PDE4D: variants seen among roughly 807,000 people sequenced by gnomAD.
PDE4D encodes 3',5'-cyclic-AMP phosphodiesterase 4D.
In PDE4D, 24 loss-of-function variants were observed where a neutral mutation model predicts 87.4. The ratio of observed to expected loss-of-function variants is 0.27; its 90% confidence interval spans 0.20 to 0.39. The LOEUF is 0.39. Ranked by LOEUF, PDE4D falls within the 10% of genes least tolerant of loss-of-function variation. PDE4D has a pLI of 1.00. For missense variants in PDE4D, 714 were observed against 1,041.0 expected (o/e 0.69, Z 4.32); for synonymous variants, 384 against 383.2 (o/e 1.00, Z -0.02).
chr5:59,785,795 G>A (rs1765108213), intron 1 of PDE4D, among the ~76,000 whole-genome samples: 1 of 152,160 alleles, frequency 6.6e-6, no homozygotes, highest in Admixed American at 6.5e-5. Flanking sequence ...CCATGTTTTT[G>A]CCGGTGGTAC....
intron 1 of PDE4D, among the ~76,000 whole-genome samples, chr5:60,185,946 A>AT (rs906806236): frequency 1.3e-5 from 2 of 151,898 alleles, no homozygotes; most frequent in Non-Finnish European, 2.9e-5. Context: ...GAAAAAAAAA[A>AT]AAAACAGATA....
chr5:59,927,044 G>A (rs930757989), intron 3 of PDE4D, among the ~76,000 whole-genome samples: 2 of 152,292 alleles, frequency 1.3e-5, no homozygotes, highest in Admixed American at 6.5e-5. Context: ...GGAAAAAGGA[G>A]AGTTTGTCTT....
chr5:59,480,719 A>G (rs1804107994), intron 1 of PDE4D, among the ~76,000 whole-genome samples: 1 of 152,130 alleles, frequency 6.6e-6, no homozygotes, highest in Admixed American at 6.6e-5. Flanking sequence ...GTCTCTTTTT[A>G]CTTGATCCAA....
chr5:60,425,258 G>A (rs978622604), intron 1 of PDE4D, among the ~76,000 whole-genome samples: 2 of 152,210 alleles, frequency 1.3e-5, no homozygotes, highest in Non-Finnish European at 2.9e-5. Flanking sequence ...AAAGCTGGAA[G>A]CATCACGCTA....
chr5:60,298,152 A>AT (rs1753579046), intron 1 of PDE4D, among the ~76,000 whole-genome samples: 1 of 139,082 alleles, frequency 7.2e-6, no homozygotes, highest in Non-Finnish European at 1.5e-5. Context: ...CAGAAAAATA[A>AT]AAAAAAAAAA....
chr5:59,964,975 G>T (rs1759867845), intron 3 of PDE4D, among the ~76,000 whole-genome samples: 1 of 151,852 alleles, frequency 6.6e-6, no homozygotes, highest in Non-Finnish European at 1.5e-5. Context: ...CAAGGCCTTT[G>T]CACATACTAA....
intron 1 of PDE4D, among the ~76,000 whole-genome samples, chr5:59,808,677 C>G (rs1469719959): frequency 6.6e-6 from 1 of 152,066 alleles, no homozygotes; most frequent in Non-Finnish European, 1.5e-5. Flanking sequence ...TTCAAAGAAC[C>G]CTTTTCCCCA....
At chr5:58,976,260 A>T (rs1743758528) in intron 13 of PDE4D, 90 bp downstream of exon 13, 1 of 1,352,464 alleles carries the variant, frequency 7.4e-7, no homozygotes, top group African/African-American at 1.5e-5. Context: ...TGGGAGAAGG[A>T]AGAAATACAT....
At chr5:59,391,105 G>A (rs1319592933) in intron 1 of PDE4D, among the ~76,000 whole-genome samples, 1 of 152,104 alleles carries the variant, frequency 6.6e-6, no homozygotes, top group Non-Finnish European at 1.5e-5. Flanking sequence ...AGTTAAGGAG[G>A]TGAGCCTTAA....
At chr5:60,418,599 T>C (rs998411311) in intron 1 of PDE4D, among the ~76,000 whole-genome samples, 1 of 152,166 alleles carries the variant, frequency 6.6e-6, no homozygotes, top group Non-Finnish European at 1.5e-5. Context: ...TTTTTAATTG[T>C]TCTGGGTACA....
At position 60,157,263 on chromosome 5, in the gene PDE4D, T is replaced by C. The variant is rs36035479; in HGVS notation, c.42+28294A>G. On this transcript the variant is annotated intron_variant, in intron 2 of 16. Coordinates refer to the PDE4D transcript ENST00000502484. ...AAAGCAGAATATTTTAAATTACCTATTGGCCACATGAATTTTCTTATTTTA... is the reference window on the plus strand; with the variant it reads ...AAAGCAGAATATTTTAAATTACCTACTGGCCACATGAATTTTCTTATTTTA... Among the ~76,000 whole-genome samples the C allele has an allele frequency of 4.4e-4, 67 of 152,320 alleles. 1 individual carries two copies. Among genetic ancestry groups the C allele is most frequent in the Non-Finnish European group, 6.3e-4 (43 of 68,014 alleles).
At chr5:60,361,320 T>C (rs1442015761) in intron 1 of PDE4D, among the ~76,000 whole-genome samples, 6 of 152,328 alleles carry the variant, frequency 3.9e-5, no homozygotes, top group African/African-American at 1.2e-4. Context: ...AATTTAATAA[T>C]TGATTAGTAA....
At chr5:59,755,751 A>G (rs1461515584) in intron 1 of PDE4D, among the ~76,000 whole-genome samples, 1 of 152,118 alleles carries the variant, frequency 6.6e-6, no homozygotes, top group Non-Finnish European at 1.5e-5. Context: ...GAAGGCAAAC[A>G]AGCAGGAATG....
intron 1 of PDE4D, among the ~76,000 whole-genome samples, chr5:60,349,051 TC>T: frequency 6.6e-6 from 1 of 152,254 alleles, no homozygotes; most frequent in African/African-American, 2.4e-5. Flanking sequence ...AAATTTGGAA[TC>T]AAATAGGTAA....
intron 1 of PDE4D, among the ~76,000 whole-genome samples, chr5:60,314,213 C>A (rs1755320850): frequency 1.3e-5 from 2 of 151,186 alleles, no homozygotes; most frequent in East Asian, 3.9e-4. Flanking sequence ...GTCACCCAGG[C>A]TGGAATGCAG....
At position 60,129,629 on chromosome 5, in the gene PDE4D, C is replaced by A. The variant is rs540763015; in HGVS notation, c.42+55928G>T. On this transcript the variant is annotated intron_variant, in intron 2 of 16. Transcript: ENST00000502484. The stretch of plus-strand genomic sequence containing the variant: ...ACTCATGTCACTCTCAAAACAACAA[C>A]AAAAAATTTCAAAATACCATAGACC... Among the ~76,000 whole-genome samples the A allele has an allele frequency of 7.2e-5, 11 of 152,190 alleles. No homozygotes were observed. In the South Asian group the frequency reaches 1.7e-3, roughly 23 times the overall value.
intron 1 of PDE4D, among the ~76,000 whole-genome samples, chr5:60,259,387 C>T (rs928680880): frequency 6.6e-6 from 1 of 151,996 alleles, no homozygotes; most frequent in Non-Finnish European, 1.5e-5. Flanking sequence ...GGACAAACTT[C>T]TCCAATTAAT....
intron 3 of PDE4D, among the ~76,000 whole-genome samples, chr5:59,961,746 G>T (rs1241447198): frequency 6.6e-6 from 1 of 152,182 alleles, no homozygotes; most frequent in Non-Finnish European, 1.5e-5. Flanking sequence ...ATATGGGTGT[G>T]TATGTGTATT....
At chr5:59,092,860 T>G (rs1162338126) in intron 5 of PDE4D, among the ~76,000 whole-genome samples, 1 of 152,190 alleles carries the variant, frequency 6.6e-6, no homozygotes, top group African/African-American at 2.4e-5. Context: ...AAACTCACCT[T>G]CTCCCGTCTT....
Sources: allele counts gnomAD v4.1 joint callset (sites outside exome capture counted in the v4.1 genomes callset), GRCh38; gene constraint gnomAD v4.1.1; transcripts MANE v1.5; gene names NCBI Gene and HGNC (gene_info 2026-07-23, HGNC 2026-07-21).